FRMD4A: variants seen among roughly 807,000 people sequenced by gnomAD.
FRMD4A encodes FERM domain containing 4A, also known as FERM domain-containing protein 4A.
A neutral mutation model predicts 129.1 loss-of-function variants in FRMD4A; 29 were observed. That is an observed-to-expected ratio of 0.22 (90% CI 0.17 to 0.31). FRMD4A has a LOEUF of 0.31. Ranked by LOEUF, FRMD4A falls within the 10% of genes least tolerant of loss-of-function variation. The pLI, the probability that FRMD4A is intolerant of heterozygous loss-of-function variation, is 1.00. For missense variants in FRMD4A, 1,272 were observed against 1,375.8 expected (o/e 0.92, Z 1.19); for synonymous variants, 634 against 571.6 (o/e 1.11, Z -1.56).
chr10:14,254,963 T>C lies in FRMD4A; in HGVS notation c.45+75095A>G, dbSNP rs1052092717. Among the ~76,000 whole-genome samples, 15 of 152,260 alleles carry C rather than the reference T, an allele frequency of 9.9e-5. No homozygotes were observed. In the East Asian group the frequency reaches 2.9e-3, roughly 29 times the overall value. On this transcript the variant is annotated intron_variant, in intron 2 of 24. Coordinates refer to ENST00000357447, the MANE Select transcript of FRMD4A (RefSeq NM_018027.5). ...CAGTCCCTAAAGTCTTAACTTAATT[T>C]GCCTCCAGACTGCTCAACTTCCTAT... is the stretch of plus-strand genomic sequence containing the variant.
In FRMD4A at chr10:14,127,994, C is replaced by T. The variant is rs1417274419; in HGVS notation, c.45+202064G>A. 3.7e-3 allele frequency among the ~76,000 whole-genome samples: 423 copies of T among 113,048 alleles called. 29 individuals are homozygous for T. The highest frequency in any genetic ancestry group is 0.012 in the African/African-American group (296 of 24,140). The allele number at this position is 113,048 out of a possible 152,430, so 74.2% of individuals were successfully genotyped here. A position where few individuals can be genotyped will look rare whatever the true frequency, so the allele number is the denominator to read the frequency against. On this transcript the variant is annotated intron_variant, in intron 2 of 24. Transcript: ENST00000357447. ...TCTTTCTTTCCTTCTCTCTCTCTCT[C>T]TCTCTCTTTCTTTCTTTCTTCCTTC...
intron 8 of FRMD4A, among the ~76,000 whole-genome samples, chr10:13,750,843 C>G (rs2091585190): frequency 6.6e-6 from 1 of 152,092 alleles, no homozygotes; most frequent in South Asian, 2.1e-4. Context: ...ATTCCAATCC[C>G]AAGTACAGTC....
rs185966873 is a variant in FRMD4A at position 13,646,170 on chromosome 10, A to G, written c.*868T>C. Reference sequence around the variant, plus strand: ...GCAGTTTTTCAGGCTCTCTACGGAGAGAGAAGTGGGCCAGTAAGGGAGAGG... The same window carrying G: ...GCAGTTTTTCAGGCTCTCTACGGAGGGAGAAGTGGGCCAGTAAGGGAGAGG... On this transcript the variant is annotated 3_prime_UTR_variant, in exon 25 of 25. Transcript: ENST00000357447. The G allele has an allele frequency of 4.9e-4, 75 of 152,664 alleles. No individual in the cohort carries two copies. Among genetic ancestry groups the G allele is most frequent in the African/African-American group, 1.7e-3 (72 of 41,538 alleles). The allele number at this position is 152,664 out of a possible 1,614,324, so 9.5% of individuals were successfully genotyped here. A position where few individuals can be genotyped will look rare whatever the true frequency, so the allele number is the denominator to read the frequency against.
intron 2 of FRMD4A, among the ~76,000 whole-genome samples, chr10:13,870,448 C>T (rs1306287178): frequency 6.6e-6 from 1 of 152,214 alleles, no homozygotes; most frequent in Non-Finnish European, 1.5e-5. Context: ...GGGCCTGGCC[C>T]ATGCTGTTAC....
In FRMD4A at chr10:14,281,136, G is replaced by C. The variant is rs909074213; in HGVS notation, c.45+48922C>G. ...GCCCCCCAAGTAGCTGAGATTACAG[G>C]AGCACACCACCACACCCAGCTAATT... On this transcript the variant is annotated intron_variant, in intron 2 of 24. Coordinates refer to ENST00000357447, the MANE Select transcript of FRMD4A (RefSeq NM_018027.5). Among the ~76,000 whole-genome samples, 4 of 151,862 alleles carry C rather than the reference G, an allele frequency of 2.6e-5. No individual in the cohort carries two copies. In the East Asian group the frequency reaches 7.7e-4, roughly 29 times the overall value.
intron 15 of FRMD4A, chr10:13,693,382 A>G: frequency 2.5e-6 from 1 of 394,206 alleles, no homozygotes; most frequent in Non-Finnish European, 3.8e-6. Context: ...ACGGAACCAG[A>G]TCTCTGACTC....
rs193170227 is a variant in FRMD4A, at chr10:13,773,306, C to T, written c.384+9616G>A. ...TTTCAAAAAGAGCACCTTCAGTCCA[C>T]GCTGGAGACTTTCTCTTCTCAGCTT... is the stretch of plus-strand genomic sequence containing the variant. On this transcript the variant is annotated intron_variant, in intron 6 of 24. Transcript: ENST00000357447. Among the ~76,000 whole-genome samples, 18 of 152,322 alleles carry T rather than the reference C, an allele frequency of 1.2e-4. No homozygotes were observed. In the East Asian group the frequency reaches 2.1e-3, roughly 18 times the overall value.
At chr10:13,940,632 A>G (rs760463565) in intron 2 of FRMD4A, among the ~76,000 whole-genome samples, 1 of 152,156 alleles carries the variant, frequency 6.6e-6, no homozygotes, top group Non-Finnish European at 1.5e-5. Context: ...TTCTTCACAC[A>G]AGGTTAACTC....
intron 2 of FRMD4A, among the ~76,000 whole-genome samples, chr10:13,884,130 ACG>A (rs1428974533): frequency 0.026 from 2,501 of 94,592 alleles, 162 homozygotes; most frequent in African/African-American, 0.094. Flanking sequence ...ACTCACACAC[ACG>A]CTCACACACA....
intron 2 of FRMD4A, among the ~76,000 whole-genome samples, chr10:14,003,751 C>T (rs1041702446): frequency 2.0e-5 from 3 of 152,188 alleles, no homozygotes; most frequent in South Asian, 2.1e-4. Flanking sequence ...ATGGGGTGGG[C>T]CACATAAAAG....
chr10:13,959,005 T>C (rs72774681), intron 2 of FRMD4A, among the ~76,000 whole-genome samples: 5,715 of 152,338 alleles, frequency 0.038, 131 homozygotes, highest in South Asian at 0.077. Flanking sequence ...TTAACAATTT[T>C]CCCCAGCACT....
intron 2 of FRMD4A, among the ~76,000 whole-genome samples, chr10:14,162,569 T>G (rs1264218361): frequency 6.6e-6 from 1 of 151,548 alleles, no homozygotes; most frequent in Non-Finnish European, 1.5e-5. Context: ...TTAACCCGGT[T>G]AACTTGGTCC....
intron 12 of FRMD4A, among the ~76,000 whole-genome samples, chr10:13,730,715 G>A (rs2090259451): frequency 1.3e-5 from 2 of 150,112 alleles, no homozygotes; most frequent in Admixed American, 6.7e-5. Flanking sequence ...AACAATTGCT[G>A]CAAGATTTGT....
chr10:13,886,633 C>T (rs569922903), intron 2 of FRMD4A, among the ~76,000 whole-genome samples: 7 of 151,712 alleles, frequency 4.6e-5, no homozygotes, highest in East Asian at 1.9e-4. Flanking sequence ...CAGGCTGGAG[C>T]GCAATGGTGC....
intron 2 of FRMD4A, among the ~76,000 whole-genome samples, chr10:13,860,298 T>C (rs900955563): frequency 6.6e-6 from 1 of 152,244 alleles, no homozygotes; most frequent in African/African-American, 2.4e-5. Context: ...TAGGAAGGGA[T>C]AGATTTTTAT....
intron 2 of FRMD4A, among the ~76,000 whole-genome samples, chr10:14,281,568 G>C (rs1156305818): frequency 3.3e-5 from 5 of 152,170 alleles, no homozygotes; most frequent in Non-Finnish European, 7.3e-5. Context: ...TAACACAACT[G>C]TGGTAAAAGA....
intron 3 of FRMD4A, among the ~76,000 whole-genome samples, chr10:13,832,877 C>T (rs1304141701): frequency 6.6e-6 from 1 of 152,132 alleles, no homozygotes; most frequent in Non-Finnish European, 1.5e-5. Flanking sequence ...TAGCCTCAAG[C>T]AATCCTCCCA....
intron 11 of FRMD4A, among the ~76,000 whole-genome samples, chr10:13,738,876 C>T (rs1411804125): frequency 1.3e-5 from 2 of 152,200 alleles, no homozygotes; most frequent in African/African-American, 4.8e-5. Flanking sequence ...CCGTCTTGGC[C>T]TCCCAAAGTG....
rs146894986 is a variant in FRMD4A, at chr10:14,311,766, T to G, written c.45+18292A>C. Among the ~76,000 whole-genome samples, 171 of 152,254 alleles carry G rather than the reference T, an allele frequency of 1.1e-3. 5 individuals carry two copies. The East Asian group carries it at 0.028, about 25-fold the overall frequency. ...CTGTCTCTCAGAGGTTCCTGACGAC[T>G]CCTATGCAAAGTGATTTCTTCCTTC... On this transcript the variant is annotated intron_variant, in intron 2 of 24. Transcript: ENST00000357447.
Sources: gnomAD v4.1 joint callset for allele counts (sites outside exome capture counted in the v4.1 genomes callset) on GRCh38, gnomAD v4.1.1 for gene constraint, MANE v1.5 for transcripts, NCBI Gene and HGNC (gene_info 2026-07-23, HGNC 2026-07-21) for gene names.